Variants in PADI2 observed in about 807,000 individuals in gnomAD.
PADI2 encodes the protein protein-arginine deiminase type-2.
PADI2 carries 70 observed loss-of-function variants against 81.1 expected under a neutral mutation model. The observed-to-expected ratio is 0.86, with a 90% CI of 0.71 to 1.05. The LOEUF (loss-of-function observed/expected upper bound fraction) is 1.05, where lower values mean the gene tolerates loss of function less well. Among genes scored for constraint, PADI2 ranks in the 50% least tolerant of loss-of-function variants. PADI2 has a pLI of 0.00. For missense variants in PADI2, 853 were observed against 889.9 expected (o/e 0.96, Z 0.53); for synonymous variants, 338 against 358.0 (o/e 0.94, Z 0.63).
chr1:17,114,198 A>G (rs182038533), intron 1 of PADI2, among the ~76,000 whole-genome samples: 1 of 152,234 alleles, frequency 6.6e-6, no homozygotes, highest in East Asian at 1.9e-4. Flanking sequence ...GGCCCATCCA[A>G]CGGTGCCTGT....
At chr1:17,118,355 T>G (rs1195467809) in intron 1 of PADI2, among the ~76,000 whole-genome samples, 1 of 151,938 alleles carries the variant, frequency 6.6e-6, no homozygotes, top group East Asian at 1.9e-4. Flanking sequence ...TTTAAATGCT[T>G]GGAATAGAGG....
intron 1 of PADI2, among the ~76,000 whole-genome samples, chr1:17,113,688 A>G (rs1406544258): frequency 6.6e-6 from 1 of 152,206 alleles, no homozygotes; most frequent in East Asian, 1.9e-4. Context: ...TCTGAGACAC[A>G]GAGAAGGGAC....
At position 17,086,509 on chromosome 1, in the gene PADI2, T is replaced by C; in HGVS notation, c.834+12A>G. On this transcript the variant is annotated intron_variant, in intron 7 of 15. Transcript: ENST00000375486. ...GGGTTAGCCCCCTGTGGTGGAGGCC[T>C]GGAGCCCTCACCTGGGCCATGTACT... is the stretch of plus-strand genomic sequence containing the variant. 2 of 1,608,442 alleles carry C rather than the reference T, an allele frequency of 1.2e-6. No homozygotes were observed. The highest frequency in any genetic ancestry group is 1.7e-6 in the Non-Finnish European group (2 of 1,177,282).
At chr1:17,079,058 G>A (rs1390376010) in intron 11 of PADI2, 1 of 463,080 alleles carries the variant, frequency 2.2e-6, no homozygotes, top group East Asian at 3.6e-5. Flanking sequence ...TGTTTATTTA[G>A]TTATATATTA....
chr1:17,107,171 G>A lies in PADI2; in HGVS notation c.93-2110C>T, dbSNP rs151274106. On this transcript the variant is annotated intron_variant, in intron 1 of 15. Transcript: ENST00000375486. ...TCGTGGGATTTGTGACTAAGACATA[G>A]GTGTAAGCCTGTCTCAAAGGCACAG... Among the ~76,000 whole-genome samples, 153 of 152,316 alleles carry A rather than the reference G, an allele frequency of 1.0e-3. 1 individual carries two copies. Among genetic ancestry groups the A allele is most frequent in the African/African-American group, 3.6e-3 (151 of 41,570 alleles).
chr1:17,079,788 C>T (rs2078330737), intron 10 of PADI2, among the ~76,000 whole-genome samples: 1 of 128,084 alleles, frequency 7.8e-6, no homozygotes, highest in Non-Finnish European at 1.7e-5. Flanking sequence ...TCAGTTTCCC[C>T]ATCTGTTGTT....
chr1:17,105,314 T>C, intron 1 of PADI2, among the ~76,000 whole-genome samples: 1 of 152,026 alleles, frequency 6.6e-6, no homozygotes, highest in East Asian at 2.0e-4. Flanking sequence ...TGCTTAAGCC[T>C]GGGAGGTTGA....
intron 1 of PADI2, among the ~76,000 whole-genome samples, chr1:17,114,803 C>G (rs1931704091): frequency 6.6e-6 from 1 of 152,138 alleles, no homozygotes; most frequent in African/African-American, 2.4e-5. Context: ...GGATGGTGTT[C>G]CAGGCAGAGG....
At chr1:17,082,718 A>C in intron 9 of PADI2, 66 bp from the exon 10 acceptor site, 1 of 906,048 alleles carries the variant, frequency 1.1e-6, no homozygotes, top group Non-Finnish European at 1.7e-6. Flanking sequence ...TGGGCAGAAA[A>C]CTCGAGAAAC....
At chr1:17,108,482 C>T (rs866020402) in intron 1 of PADI2, among the ~76,000 whole-genome samples, 2 of 151,846 alleles carry the variant, frequency 1.3e-5, no homozygotes, top group Admixed American at 1.3e-4. Flanking sequence ...GGTGTTGCCA[C>T]GTGGTACCTG....
rs1166966521 is a variant in PADI2 at position 17,104,913 on chromosome 1, T to A, written c.241A>T (p.Met81Leu). The A allele has an allele frequency of 1.3e-6, 2 of 1,596,160 alleles. No individual in the cohort carries two copies. The highest frequency in any genetic ancestry group is 1.7e-6 in the Non-Finnish European group (2 of 1,172,918). The change falls in exon 2 of 16, where the codon ATG (methionine) becomes TTG (leucine). Residue 81 changes from methionine to leucine, a missense_variant. Coordinates refer to ENST00000375486, the MANE Select transcript of PADI2 (RefSeq NM_007365.3). The stretch of plus-strand genomic sequence containing the variant: ...CTGGCCTCGGTGCTCGCCTGGCTCA[T>A]GGTGACCCGCAGGGTGGTGCTGGGC... ...LSPSTTLRVT[M>L]SQASTEASSD...
At chr1:17,092,080 G>A (rs1930717670) in intron 6 of PADI2, among the ~76,000 whole-genome samples, 2 of 152,190 alleles carry the variant, frequency 1.3e-5, no homozygotes, top group East Asian at 1.9e-4. Flanking sequence ...ATACCTGGAG[G>A]TGGTGCCTGC....
In PADI2 at chr1:17,067,124, A is replaced by AG. The variant is rs2078227778; in HGVS notation, c.*1919_*1920insC. ...AGAAACATCAGAAATTACCGACATCATTGGGGAAAGCCTTAGAAAAATCTA... is the reference window on the plus strand; with the variant it reads ...AGAAACATCAGAAATTACCGACATCAGTTGGGGAAAGCCTTAGAAAAATCTA... On this transcript the variant is annotated 3_prime_UTR_variant, in exon 16 of 16. Transcript: ENST00000375486. The AG allele has an allele frequency of 6.6e-6, 1 of 151,168 alleles. No individual in the cohort carries two copies. The highest frequency in any genetic ancestry group is 1.5e-5 in the Non-Finnish European group (1 of 67,910). The allele number at this position is 151,168 out of a possible 1,614,324, so 9.4% of individuals were successfully genotyped here. A position where few individuals can be genotyped will look rare whatever the true frequency, so the allele number is the denominator to read the frequency against.
intron 5 of PADI2, among the ~76,000 whole-genome samples, chr1:17,092,982 A>G (rs898358888): frequency 1.3e-5 from 2 of 151,938 alleles, no homozygotes; most frequent in Non-Finnish European, 2.9e-5. Context: ...AAGAAAAAGA[A>G]AAAAGCAAAG....
chr1:17,119,198 T>A lies in PADI2; in HGVS notation c.92+82A>T. ...GGGACAACTCGGGCTGGACAAAGGC[T>A]GTCCACGTCCCCGAGTCTGAGCGCG... On this transcript the variant is annotated intron_variant, in intron 1 of 15. Transcript: ENST00000375486. The surrounding 1 kb of genome is among the most constrained non-coding windows in gnomAD (Gnocchi z 4.8). 1 of 992,622 alleles carries A rather than the reference T, an allele frequency of 1.0e-6. No individual in the cohort carries two copies. The highest frequency in any genetic ancestry group is 1.5e-6 in the Non-Finnish European group (1 of 673,316). 61.5% of individuals were successfully genotyped at this position (992,622 alleles called of 1,614,324 possible). A position where few individuals can be genotyped will look rare whatever the true frequency, so the allele number is the denominator to read the frequency against.
intron 7 of PADI2, 127 bp from the exon 8 acceptor site, chr1:17,084,829 C>T: frequency 1.6e-6 from 1 of 623,320 alleles, no homozygotes; most frequent in South Asian, 1.9e-5. Context: ...TGCACCAAGC[C>T]TGTGCTAAGT....
At chr1:17,106,945 C>T (rs763115331) in intron 1 of PADI2, among the ~76,000 whole-genome samples, 1 of 152,152 alleles carries the variant, frequency 6.6e-6, no homozygotes, top group Non-Finnish European at 1.5e-5. Flanking sequence ...ACCCTGATCT[C>T]GGACTTCCAG....
intron 4 of PADI2, among the ~76,000 whole-genome samples, chr1:17,094,725 G>A (rs1263887457): frequency 3.9e-5 from 6 of 152,218 alleles, no homozygotes; most frequent in South Asian, 2.1e-4. Flanking sequence ...AAACTTCACC[G>A]GCCCAGATTT....
At chr1:17,077,968 T>G (rs981602949) in intron 11 of PADI2, among the ~76,000 whole-genome samples, 1 of 152,178 alleles carries the variant, frequency 6.6e-6, no homozygotes, top group Non-Finnish European at 1.5e-5. Flanking sequence ...CTCACATTTC[T>G]GGGGCAGGAC....
Sources: allele counts gnomAD v4.1 joint callset (sites outside exome capture counted in the v4.1 genomes callset), GRCh38; gene constraint gnomAD v4.1.1; non-coding constraint Gnocchi (gnomAD v3.1); transcripts MANE v1.5; gene names NCBI Gene and HGNC (gene_info 2026-07-23, HGNC 2026-07-21).